The following HIP1 variants were observed in gnomAD, a reference collection of about 807,000 sequenced individuals.
HIP1 encodes the protein huntingtin interacting protein 1, also known as huntingtin-interacting protein 1.
In HIP1, 65 loss-of-function variants were observed where a neutral mutation model predicts 147.6. The ratio of observed to expected loss-of-function variants is 0.44; its 90% CI spans 0.36 to 0.54. HIP1 has a LOEUF of 0.54. Among genes scored for constraint, HIP1 ranks in the 20% least tolerant of loss-of-function variants. HIP1 has a pLI of 0.00. For synonymous variants in HIP1, 479 were observed against 504.0 expected, an observed-to-expected ratio of 0.95 and a Z score of 0.67; for missense variants, 1,061 against 1,299.6, an observed-to-expected ratio of 0.82 and a Z score of 2.82.
At chr7:75,627,656 C>A (rs1798090330) in intron 1 of HIP1, among the ~76,000 whole-genome samples, 1 of 152,174 alleles carries the variant, frequency 6.6e-6, no homozygotes, top group Non-Finnish European at 1.5e-5. Flanking sequence ...ATCAAGTCCA[C>A]ACCCAGGGCC....
At chr7:75,590,895 C>T (rs1336119547) in intron 4 of HIP1, among the ~76,000 whole-genome samples, 2 of 152,092 alleles carry the variant, frequency 1.3e-5, no homozygotes, top group African/African-American at 4.8e-5. Flanking sequence ...TGTTTCCTCA[C>T]CTATGATAGG....
chr7:75,731,568 C>A (rs1801840055), intron 1 of HIP1, among the ~76,000 whole-genome samples: 1 of 151,832 alleles, frequency 6.6e-6, no homozygotes, highest in Non-Finnish European at 1.5e-5. Context: ...AAGAAGGCAC[C>A]TGCTCAGACT....
At chr7:75,687,985 GC>G (rs1800322563) in intron 1 of HIP1, among the ~76,000 whole-genome samples, 1 of 152,092 alleles carries the variant, frequency 6.6e-6, no homozygotes, top group African/African-American at 2.4e-5. Flanking sequence ...TTCCAGGCTA[GC>G]CCATGTGGTA....
At chr7:75,738,005 T>C (rs1802080681) in intron 1 of HIP1, among the ~76,000 whole-genome samples, 1 of 151,932 alleles carries the variant, frequency 6.6e-6, no homozygotes, top group African/African-American at 2.4e-5. Context: ...GAGAAAAAAA[T>C]GGATTGTGGC....
At chr7:75,713,233 C>A (rs552630834) in intron 1 of HIP1, among the ~76,000 whole-genome samples, 1 of 152,192 alleles carries the variant, frequency 6.6e-6, no homozygotes, top group Non-Finnish European at 1.5e-5. Flanking sequence ...CCAGCCCTGG[C>A]TTTGGCTCTA....
chr7:75,712,094 C>G (rs1801179625), intron 1 of HIP1, among the ~76,000 whole-genome samples: 1 of 152,208 alleles, frequency 6.6e-6, no homozygotes, highest in Non-Finnish European at 1.5e-5. Context: ...TCTGGTGATT[C>G]TATAATTAAA....
At chr7:75,538,287 C>T in intron 30 of HIP1, 63 bp from the exon 31 acceptor site, 2 of 1,237,212 alleles carry the variant, frequency 1.6e-6, no homozygotes, top group Non-Finnish European at 1.2e-6. Context: ...ACTTAACCAA[C>T]AAAACCTGCC....
intron 1 of HIP1, among the ~76,000 whole-genome samples, chr7:75,715,773 T>TAAAAAAAAAA (rs1801297207): frequency 4.6e-5 from 1 of 21,802 alleles, no homozygotes; most frequent in Non-Finnish European, 7.8e-5. Context: ...AGATCCTGTC[T>TAAAAAAAAAA]CAAAAAAAAA....
Position 75,599,261 on chromosome 7 carries a change from A to AG in HIP1, c.121-15dup, listed in dbSNP as rs781804485. On this transcript the variant is annotated splice_polypyrimidine_tract_variant and intron_variant, in intron 1 of 30. Coordinates refer to ENST00000336926, the MANE Select transcript of HIP1 (RefSeq NM_005338.7). The stretch of plus-strand genomic sequence containing the variant: ...GATGCTGACAGTCTGAAAAACAAGA[A>AG]GGGGGGAGGGAAAGGAGGATGAGAT... 7 of 1,600,160 alleles carry AG rather than the reference A, an allele frequency of 4.4e-6. No individual in the cohort carries two copies. Among genetic ancestry groups the AG allele is most frequent in the Non-Finnish European group, 5.1e-6 (6 of 1,167,388 alleles).
chr7:75,547,061 T>A (rs782557921), intron 24 of HIP1, 29 bp from the exon 25 acceptor site: 71 of 1,520,806 alleles, frequency 4.7e-5, no homozygotes, highest in African/African-American at 1.4e-4. Context: ...GAGGATACAC[T>A]GAGATCAAGA....
rs1358406440 is a variant in HIP1, at chr7:75,534,905, G to A, written c.*3267C>T. 2 of 206,090 alleles carry A rather than the reference G, an allele frequency of 9.7e-6. No homozygotes were observed. Among genetic ancestry groups the A allele is most frequent in the East Asian group, 7.4e-5 (1 of 13,536 alleles). 12.8% of individuals were successfully genotyped at this position (206,090 alleles called of 1,614,324 possible). On this transcript the variant is annotated 3_prime_UTR_variant, in exon 31 of 31. Transcript: ENST00000336926. ...TACGCTCACCCGAGACTTGTCACTA[G>A]TGATGCTCAGTGACTCATTTAGAAG... is the stretch of plus-strand genomic sequence containing the variant.
In HIP1 at chr7:75,566,164, G is replaced by C. The variant is rs185563198; in HGVS notation, c.803+2035C>G. ...CTGCCTCAGCCTCCCGAGTAGCTGG[G>C]ATTACAGGTGTGCACCACCATGCCC... On this transcript the variant is annotated intron_variant, in intron 9 of 30. Transcript: ENST00000336926. Among the ~76,000 whole-genome samples, 534 of 151,360 alleles carry C rather than the reference G, an allele frequency of 3.5e-3. 8 individuals carry two copies. The highest frequency in any genetic ancestry group is 0.012 in the Admixed American group (187 of 15,224).
chr7:75,615,265 G>C (rs1797613836), intron 1 of HIP1, among the ~76,000 whole-genome samples: 1 of 151,834 alleles, frequency 6.6e-6, no homozygotes, highest in Non-Finnish European at 1.5e-5. Flanking sequence ...ATAGGAAGTG[G>C]ACCCTGTGGC....
chr7:75,598,955 A>G (rs587694289), intron 2 of HIP1, among the ~76,000 whole-genome samples: 2 of 152,222 alleles, frequency 1.3e-5, no homozygotes, highest in East Asian at 3.9e-4. Flanking sequence ...ATCTTTGGCA[A>G]GTTGAAAGGC....
At chr7:75,703,758 G>A (rs1800909576) in intron 1 of HIP1, among the ~76,000 whole-genome samples, 1 of 152,110 alleles carries the variant, frequency 6.6e-6, no homozygotes, top group South Asian at 2.1e-4. Context: ...AAAACATAAA[G>A]TAGATCGATC....
rs182504067 is a variant in HIP1, at chr7:75,593,920, C to T, written c.185-1406G>A. On this transcript the variant is annotated intron_variant, in intron 2 of 30. Transcript: ENST00000336926. ...TTCCCCATATATGGAATCCTGGAAC[C>T]GCTTCTCCCCAGGCCTAATTCCAAA... 9.5e-4 allele frequency among the ~76,000 whole-genome samples: 144 copies of T among 151,832 alleles called. 1 individual carries two copies. The highest frequency in any genetic ancestry group is 2.8e-3 in the Admixed American group (43 of 15,198).
At chr7:75,589,540 T>C (rs1796409083) in intron 4 of HIP1, among the ~76,000 whole-genome samples, 1 of 151,486 alleles carries the variant, frequency 6.6e-6, no homozygotes, top group Admixed American at 6.6e-5. Flanking sequence ...AAAAATTAGC[T>C]GGGTGTGGTG....
chr7:75,682,738 TCACCTGCTACAAAAACA>T (rs1283492909), intron 1 of HIP1, among the ~76,000 whole-genome samples: 1 of 152,050 alleles, frequency 6.6e-6, no homozygotes, highest in Non-Finnish European at 1.5e-5. Context: ...CATACCTTAC[TCACCTGCTACAAAAACA>T]CACCTGCTAC....
chr7:75,633,678 A>G (rs1353063770), intron 1 of HIP1, among the ~76,000 whole-genome samples: 1 of 152,154 alleles, frequency 6.6e-6, no homozygotes, highest in Non-Finnish European at 1.5e-5. Flanking sequence ...TTTGCTGGGC[A>G]GGTCACCCAT....
Sources: gnomAD v4.1 joint callset for allele counts (sites outside exome capture counted in the v4.1 genomes callset) on GRCh38, gnomAD v4.1.1 for gene constraint, MANE v1.5 for transcripts, NCBI Gene and HGNC (gene_info 2026-07-23, HGNC 2026-07-21) for gene names.